FARS2: variants seen among roughly 807,000 people sequenced by gnomAD.
FARS2 encodes phenylalanyl-tRNA synthetase 2, mitochondrial, also known as phenylalanine--tRNA ligase, mitochondrial.
A neutral mutation model predicts 46.4 loss-of-function variants in FARS2; 40 were observed. The observed-to-expected ratio is 0.86, with a 90% confidence interval of 0.67 to 1.12. FARS2 has a LOEUF of 1.12. Among genes scored for constraint, FARS2 ranks in the 50% most tolerant of loss-of-function variants. The probability of loss-of-function intolerance (pLI) is 0.00; values close to 1 mark genes in which losing one functional copy is unlikely to be tolerated. For missense variants in FARS2, 513 were observed against 567.9 expected, an observed-to-expected ratio of 0.90 and a Z score of 0.98; for synonymous variants, 234 against 214.9, an observed-to-expected ratio of 1.09 and a Z score of -0.78.
chr6:5,494,731 A>G (rs1313634012), intron 4 of FARS2, among the ~76,000 whole-genome samples: 4 of 152,138 alleles, frequency 2.6e-5, no homozygotes, highest in South Asian at 2.1e-4. Context: ...TGCCTGCACA[A>G]GTTCACATGT....
upstream of FARS2, chr6:5,260,707 C>A (rs1765030964): frequency 6.5e-7 from 1 of 1,533,636 alleles, no homozygotes; most frequent in Non-Finnish European, 8.8e-7. Context: ...ACAGAGATAA[C>A]ACTTGTGCGC....
At chr6:5,743,800 T>G (rs867505989) in intron 6 of FARS2, among the ~76,000 whole-genome samples, 3 of 152,244 alleles carry the variant, frequency 2.0e-5, no homozygotes, top group African/African-American at 7.2e-5. Context: ...TTCACTCTCC[T>G]TGGAGGAAGT....
At chr6:5,274,502 T>A (rs1766193027) in intron 1 of FARS2, among the ~76,000 whole-genome samples, 1 of 152,122 alleles carries the variant, frequency 6.6e-6, no homozygotes, top group Admixed American at 6.5e-5. Context: ...CTCCCCTGCT[T>A]GGAATGCAAG....
rs76487949 is a variant in FARS2 at position 5,286,138 on chromosome 6, A to G, written c.-22+24478A>G. On this transcript the variant is annotated intron_variant, in intron 1 of 6. Coordinates refer to ENST00000274680, the MANE Select transcript of FARS2 (RefSeq NM_006567.5). ...CATAGGCTTGCATTTAGTACACTCT[A>G]AATTGAACATTGGATTGATTGTTGT... Among the ~76,000 whole-genome samples the G allele has an allele frequency of 6.9e-3, 1,054 of 152,292 alleles. 13 individuals carry two copies. The highest frequency in any genetic ancestry group is 0.024 in the African/African-American group (1,004 of 41,548).
intron 4 of FARS2, chr6:5,456,927 A>T (rs1764919739): frequency 6.6e-6 from 1 of 151,992 alleles, no homozygotes; most frequent in Non-Finnish European, 1.5e-5. Context: ...CAGCAGGGAA[A>T]GGGAGGCCGA....
intron 2 of FARS2, among the ~76,000 whole-genome samples, chr6:5,376,080 C>A (rs1759358271): frequency 6.6e-6 from 1 of 152,110 alleles, no homozygotes; most frequent in African/African-American, 2.4e-5. Flanking sequence ...CATATTCCTA[C>A]TGGATTCTTT....
intron 5 of FARS2, among the ~76,000 whole-genome samples, chr6:5,607,732 T>G (rs1047571925): frequency 2.0e-5 from 3 of 152,156 alleles, no homozygotes; most frequent in East Asian, 1.9e-4. Context: ...GCGTTTATAC[T>G]AGTCTTGATT....
At chr6:5,585,530 A>G (rs996718439) in intron 5 of FARS2, among the ~76,000 whole-genome samples, 4 of 152,080 alleles carry the variant, frequency 2.6e-5, no homozygotes, top group South Asian at 2.1e-4. Flanking sequence ...AGTTAGTTCA[A>G]CTTTTTAAAG....
intron 4 of FARS2, among the ~76,000 whole-genome samples, chr6:5,524,511 AAGC>A (rs1465841680): frequency 2.0e-5 from 3 of 152,238 alleles, no homozygotes; most frequent in East Asian, 3.8e-4. Context: ...CCCAAGTTAA[AAGC>A]AGAGCATGTT....
chr6:5,718,883 T>G (rs1384000758), intron 6 of FARS2, among the ~76,000 whole-genome samples: 1 of 152,220 alleles, frequency 6.6e-6, no homozygotes, highest in Non-Finnish European at 1.5e-5. Context: ...AGAATCTTCC[T>G]GCTAATACTG....
chr6:5,346,140 A>G (rs183953540), intron 1 of FARS2, among the ~76,000 whole-genome samples: 68 of 152,302 alleles, frequency 4.5e-4, no homozygotes, highest in African/African-American at 1.6e-3. Context: ...CTCATCCGTA[A>G]AGTCAAGATA....
rs1171626005 is a variant in FARS2 at position 5,689,059 on chromosome 6, AT to A, written c.1217+75745del. Among the ~76,000 whole-genome samples the A allele has an allele frequency of 2.0e-5, 3 of 152,082 alleles. No homozygotes were observed. In the East Asian group the frequency reaches 5.8e-4, roughly 29 times the overall value. ...GATCAGTGGTGATATCCCCTTTATCATTTTTTATTGTGTCTATTTGATTCTT... is the reference window on the plus strand; with the variant it reads ...GATCAGTGGTGATATCCCCTTTATCATTTTTATTGTGTCTATTTGATTCTT... On this transcript the variant is annotated intron_variant, in intron 6 of 6. Transcript: ENST00000274680.
At chr6:5,491,397 C>T (rs1767100376) in intron 4 of FARS2, among the ~76,000 whole-genome samples, 1 of 152,166 alleles carries the variant, frequency 6.6e-6, no homozygotes, top group South Asian at 2.1e-4. Context: ...TTAAGTAAGT[C>T]TTGCGGTAAC....
intron 6 of FARS2, among the ~76,000 whole-genome samples, chr6:5,719,885 T>A (rs560712983): frequency 6.6e-6 from 1 of 152,228 alleles, no homozygotes; most frequent in African/African-American, 2.4e-5. Context: ...CAGCTTGCAA[T>A]GTGGCTTCCG....
At chr6:5,614,554 C>T (rs551431258) in intron 6 of FARS2, among the ~76,000 whole-genome samples, 1 of 152,096 alleles carries the variant, frequency 6.6e-6, no homozygotes, top group Non-Finnish European at 1.5e-5. Flanking sequence ...GGACTACAGG[C>T]GCCTGCTACG....
At chr6:5,454,020 A>ATAT (rs1384651266) in intron 4 of FARS2, among the ~76,000 whole-genome samples, 1 of 152,070 alleles carries the variant, frequency 6.6e-6, no homozygotes, top group African/African-American at 2.4e-5. Flanking sequence ...AATAGCATCA[A>ATAT]TATTATTATT....
chr6:5,332,234 G>C (rs1482538475), intron 1 of FARS2, among the ~76,000 whole-genome samples: 2 of 152,172 alleles, frequency 1.3e-5, no homozygotes, highest in Non-Finnish European at 2.9e-5. Flanking sequence ...GCAGTGGGTT[G>C]TATGCTGGAA....
chr6:5,378,840 G>C (rs939762362), intron 2 of FARS2, among the ~76,000 whole-genome samples: 1 of 152,178 alleles, frequency 6.6e-6, no homozygotes, highest in African/African-American at 2.4e-5. Flanking sequence ...CCTCTGTCTT[G>C]ACAGTTAAGT....
chr6:5,380,934 T>A (rs1383403427), intron 2 of FARS2, among the ~76,000 whole-genome samples: 1 of 151,822 alleles, frequency 6.6e-6, no homozygotes, highest in African/African-American at 2.4e-5. Context: ...AAACTTTATA[T>A]AATCTTATAT....
Sources: allele counts gnomAD v4.1 joint callset (sites outside exome capture counted in the v4.1 genomes callset), GRCh38; gene constraint gnomAD v4.1.1; transcripts MANE v1.5; gene names NCBI Gene and HGNC (gene_info 2026-07-23, HGNC 2026-07-21).